AHNAK2: variants seen among roughly 807,000 people sequenced by gnomAD.
AHNAK2 encodes AHNAK nucleoprotein 2.
In AHNAK2, 18 loss-of-function variants were observed where a neutral mutation model predicts 30.7. The observed-to-expected ratio is 0.59, with a 90% CI of 0.41 to 0.87. The LOEUF (loss-of-function observed/expected upper bound fraction) is 0.87, where lower values mean the gene tolerates loss of function less well. Among genes scored for constraint, AHNAK2 ranks in the 40% least tolerant of loss-of-function variants. The pLI is 0.00. For synonymous variants in AHNAK2, 3,590 were observed against 3,073.8 expected (o/e 1.17, Z -5.56); for missense variants, 8,604 against 7,373.0 (o/e 1.17, Z -6.11).
At position 104,944,247 on chromosome 14, in the gene AHNAK2, T is replaced by G. The variant is rs749974199; in HGVS notation, c.11204A>C (p.Asp3735Ala). 3.7e-6 allele frequency: 6 copies of G among 1,612,644 alleles called. No homozygotes were observed. Among genetic ancestry groups the G allele is most frequent in the African/African-American group, 1.3e-5 (1 of 74,682 alleles). ...GATGTCCACCTGGGGGCCCTTGAGG[T>G]CCACTTTGGGCATCTTCAAACTGGG... ...EMPSLKMPKV[D>A]LKGPQVDIKG... Residue 3735 changes from aspartate (D) to alanine (A), a missense_variant, in exon 7 of 7, where the codon GAC becomes GCC. Coordinates refer to ENST00000333244, the MANE Select transcript of AHNAK2 (RefSeq NM_138420.4).
rs1332354542 is a variant in AHNAK2 at position 104,938,630 on chromosome 14, C to T, written c.16821G>A (p.Glu5607=). The change falls in exon 7 of 7, where the codon GAG becomes GAA. Residue 5607 remains glutamate, a synonymous_variant. Coordinates refer to ENST00000333244, the MANE Select transcript of AHNAK2 (RefSeq NM_138420.4). ...GGGGAAACTCAAGAATTTCTGCTGG[C>T]TCCTCATCTGAACAGCTGTCTGCAA... The part of the protein sequence containing the change: ...HQLADSCSDE[E]PAEILEFPPD... 2 of 1,612,378 alleles carry T rather than the reference C, an allele frequency of 1.2e-6. No homozygotes were observed. Among genetic ancestry groups the T allele is most frequent in the South Asian group, 1.1e-5 (1 of 90,666 alleles).
In AHNAK2 at chr14:104,946,445, A is replaced by G. The variant is rs565464956; in HGVS notation, c.9006T>C (p.Asp3002=). The stretch of plus-strand genomic sequence containing the variant: ...CGGCCTCCACCTTCGGCGCAGACAC[A>G]TCCACCGAGACCTCAATGGACTTGC... The part of the protein sequence containing the change: ...APGKSIEVSV[D]VSAPKVEAEV... The change falls in exon 7 of 7, where the codon GAT becomes GAC. Residue 3002 remains aspartate, a synonymous_variant. Coordinates refer to ENST00000333244, the MANE Select transcript of AHNAK2 (RefSeq NM_138420.4). 694 of 1,611,516 alleles carry G rather than the reference A, an allele frequency of 4.3e-4. No homozygotes were observed. Among genetic ancestry groups the G allele is most frequent in the Non-Finnish European group, 5.3e-4 (625 of 1,179,306 alleles).
rs531914312 is a variant in AHNAK2, at chr14:104,950,062, C to T, written c.5389G>A (p.Gly1797Arg). Residue 1797 changes from glycine (G) to arginine (R), a missense_variant, in exon 7 of 7, where the codon GGA becomes AGA. Physicochemically the swap from Gly to Arg is moderately radical, Grantham distance 125 (BLOSUM62 -2). Coordinates refer to ENST00000333244, the MANE Select transcript of AHNAK2 (RefSeq NM_138420.4). ...AGCCGCACACTGTCCAGCTTGGCTC[C>T]TGGAGCCTCGACGTCCACCTCCACG... ...PSVEVDVEAP[G>R]AKLDSVRLEG... is the part of the protein sequence containing the mutation. 47 of 1,585,836 alleles carry T rather than the reference C, an allele frequency of 3.0e-5. 9 individuals carry two copies. The East Asian group carries it at 4.3e-4, about 14-fold the overall frequency.
At chr14:104,959,130 C>A (rs1404415487) in intron 1 of AHNAK2, among the ~76,000 whole-genome samples, 1 of 152,154 alleles carries the variant, frequency 6.6e-6, no homozygotes, top group Non-Finnish European at 1.5e-5. Flanking sequence ...AGCCCAGAAA[C>A]TCAAGGCCAG....
Position 104,941,899 on chromosome 14 carries a change from C to A in AHNAK2, c.13552G>T (p.Ala4518Ser), listed in dbSNP as rs201319969. The change falls in exon 7 of 7, where the codon GCC becomes TCC. Residue 4518 changes from alanine to serine, a missense_variant. Coordinates refer to ENST00000333244, the MANE Select transcript of AHNAK2 (RefSeq NM_138420.4). ...TGGCCAGCCTGGACCTCCAGGTCGG[C>A]GGAAGGGGCCTGAATGCGGAGGTCA... ...TTDLRIQAPS[A>S]DLEVQAGQVD... is the part of the protein sequence containing the mutation. 5 of 1,613,448 alleles carry A rather than the reference C, an allele frequency of 3.1e-6. No individual in the cohort carries two copies. The highest frequency in any genetic ancestry group is 3.3e-5 in the Admixed American group (2 of 59,972).
At chr14:104,958,871 G>A (rs1247198628) in intron 1 of AHNAK2, among the ~76,000 whole-genome samples, 2 of 152,186 alleles carry the variant, frequency 1.3e-5, no homozygotes, top group Non-Finnish European at 2.9e-5. Flanking sequence ...CAGTCAAAAT[G>A]CTTAAGAGAA....
At position 104,949,531 on chromosome 14, in the gene AHNAK2, G is replaced by A. The variant is rs771896783; in HGVS notation, c.5920C>T (p.Leu1974=). The A allele has an allele frequency of 2.1e-5, 33 of 1,586,936 alleles. No individual in the cohort carries two copies. In the South Asian group the frequency reaches 3.2e-4, roughly 16 times the overall value. ...KLDGARLEGD[L]SLADKDMTAK... ...GTCATGTCCTTGTCGGCCAGGGACA[G>A]GTCTCCCTCCAGCCGCGCACCATCC... The change falls in exon 7 of 7, where the codon CTG becomes TTG. Residue 1974 remains leucine (L), a synonymous_variant. Transcript: ENST00000333244.
chr14:104,950,801 C>G lies in AHNAK2; in HGVS notation c.4650G>C (p.Leu1550=), dbSNP rs746593138. The G allele has an allele frequency of 1.1e-5, 18 of 1,586,812 alleles. 1 individual carries two copies. The Admixed American group carries it at 3.0e-4, about 26-fold the overall frequency. The stretch of plus-strand genomic sequence containing the variant: ...CGTCCACTTGGCCAGCCTGGACCTC[C>G]AGGTCAGCAGAAGGGGGCTGTATGC... ...DLSIQPPSAD[L]EVQAGQVDVK... is the part of the protein sequence containing the mutation. The change falls in exon 7 of 7, where the codon CTG becomes CTC. Residue 1550 remains leucine (L), a synonymous_variant. Transcript: ENST00000333244.
Position 104,937,917 on chromosome 14 carries a change from T to G in AHNAK2, c.*146A>C. The G allele has an allele frequency of 1.2e-6, 1 of 807,054 alleles. No individual in the cohort carries two copies. Among genetic ancestry groups the G allele is most frequent in the Non-Finnish European group, 1.8e-6 (1 of 541,056 alleles). 50.0% of individuals were successfully genotyped at this position (807,054 alleles called of 1,614,324 possible). ...GAGGGCTGTGTGATGGTGACAAAGGTGTTCTGGTCATTTCTGCTCTGTTCT... is the reference window on the plus strand; with the variant it reads ...GAGGGCTGTGTGATGGTGACAAAGGGGTTCTGGTCATTTCTGCTCTGTTCT... On this transcript the variant is annotated 3_prime_UTR_variant, in exon 7 of 7. Transcript: ENST00000333244.
Position 104,950,148 on chromosome 14 carries a change from A to G in AHNAK2, c.5303T>C (p.Leu1768Pro). The change falls in exon 7 of 7, where the codon CTG becomes CCG. Residue 1768 changes from leucine to proline, a missense_variant. Coordinates refer to ENST00000333244, the MANE Select transcript of AHNAK2 (RefSeq NM_138420.4). ...GPQMDVKGPK[L>P]DLKGPKAEVM... ...CTCCGCCTTGGGGCCTTTCAGGTCC[A>G]GCTTGGGGCCCTTGACGTCCATCTG... The G allele has an allele frequency of 6.3e-7, 1 of 1,586,208 alleles. No homozygotes were observed. The highest frequency in any genetic ancestry group is 8.6e-7 in the Non-Finnish European group (1 of 1,162,898).
Position 104,951,611 on chromosome 14 carries a change from T to G in AHNAK2, c.3840A>C (p.Ala1280=). ...GPKLDLKGHK[A]EVTAHEVAVS... is the part of the protein sequence containing the mutation. ...CAGCCACTTCGTGGGCCGTCACCTC[T>G]GCCTTATGACCTTTCAGGTCCAGCT... Residue 1280 remains alanine, a synonymous_variant, in exon 7 of 7, where the codon GCA becomes GCC. Coordinates refer to ENST00000333244, the MANE Select transcript of AHNAK2 (RefSeq NM_138420.4). The G allele has an allele frequency of 1.6e-6, 2 of 1,244,498 alleles. 1 individual carries two copies. Among genetic ancestry groups the G allele is most frequent in the South Asian group, 2.9e-5 (2 of 69,942 alleles). 77.1% of individuals were successfully genotyped at this position (1,244,498 alleles called of 1,614,324 possible).
Position 104,954,625 on chromosome 14 carries a change from G to C in AHNAK2, c.826C>G (p.Gln276Glu), listed in dbSNP as rs1179782914. 9 of 1,612,488 alleles carry C rather than the reference G, an allele frequency of 5.6e-6. No individual in the cohort carries two copies. The highest frequency in any genetic ancestry group is 8.5e-7 in the Non-Finnish European group (1 of 1,179,614). Residue 276 changes from glutamine to glutamate, a missense_variant, in exon 7 of 7, where the codon CAG becomes GAG. By Grantham distance (29) the Gln-to-Glu change is conservative. Transcript: ENST00000333244. The surrounding 1 kb of genome is among the most constrained non-coding windows in gnomAD (Gnocchi z 4.3). Reference sequence around the variant, plus strand: ...GCCTCTGACGAGCTGTGTGACCTCTGGGGTCCCGGCCCCCGCTTGCTCTTT... The same window carrying C: ...GCCTCTGACGAGCTGTGTGACCTCTCGGGTCCCGGCCCCCGCTTGCTCTTT... ...SIKSKRGPGP[Q>E]RSHSSSEAYE...
At chr14:104,957,749 T>C (rs1899023099) in intron 1 of AHNAK2, 77 bp from the exon 2 acceptor site, 1 of 1,421,020 alleles carries the variant, frequency 7.0e-7, no homozygotes, top group Admixed American at 1.9e-5. Flanking sequence ...GAGCCAGGAC[T>C]GTATGTACAC....
rs781429748 is a variant in AHNAK2 at position 104,954,794 on chromosome 14, C to T, written c.657G>A (p.Thr219=). 29 of 1,561,614 alleles carry T rather than the reference C, an allele frequency of 1.9e-5. No individual in the cohort carries two copies. The highest frequency in any genetic ancestry group is 6.0e-5 in the South Asian group (5 of 83,358). The part of the protein sequence containing the change: ...HGPQGKEKED[T]DVADGCRETP... ...TCTCTCTGCACCCATCAGCAACATC[C>T]GTGTCCTGAAACATAGGGAGAGGGA... is the stretch of plus-strand genomic sequence containing the variant. The change falls in exon 7 of 7, where the codon ACG becomes ACA. Residue 219 remains threonine (T), a synonymous_variant. Coordinates refer to ENST00000333244, the MANE Select transcript of AHNAK2 (RefSeq NM_138420.4). The surrounding 1 kb of genome is among the most constrained non-coding windows in gnomAD (Gnocchi z 4.3).
At position 104,948,809 on chromosome 14, in the gene AHNAK2, A is replaced by G; in HGVS notation, c.6642T>C (p.Ala2214=). 1.2e-6 allele frequency: 2 copies of G among 1,612,494 alleles called. No individual in the cohort carries two copies. Among genetic ancestry groups the G allele is most frequent in the Non-Finnish European group, 1.7e-6 (2 of 1,179,622 alleles). The change falls in exon 7 of 7, where the codon GCT becomes GCC. Residue 2214 remains alanine (A), a synonymous_variant. Transcript: ENST00000333244. The part of the protein sequence containing the change: ...QPLSADVKVQ[A]GQVDVKLLEG... ...CCAGGAGTTTCACGTCCACCTGGCCAGCCTGGACCTTCACGTCGGCGGAAA... is the reference window on the plus strand; with the variant it reads ...CCAGGAGTTTCACGTCCACCTGGCCGGCCTGGACCTTCACGTCGGCGGAAA...
chr14:104,940,249 C>T lies in AHNAK2; in HGVS notation c.15202G>A (p.Gly5068Ser), dbSNP rs371225690. The T allele has an allele frequency of 2.8e-5, 45 of 1,613,632 alleles. 1 individual carries two copies. In the African/African-American group the frequency reaches 4.0e-4, roughly 14 times the overall value. The change falls in exon 7 of 7, where the codon GGT becomes AGT. Residue 5068 changes from glycine to serine, a missense_variant. Physicochemically the swap from Gly to Ser is moderately conservative, Grantham distance 56 (BLOSUM62 0). Coordinates refer to ENST00000333244, the MANE Select transcript of AHNAK2 (RefSeq NM_138420.4). This position sits in a 1 kb window ranked among gnomAD's most constrained non-coding sequence, Gnocchi z 4.4. ...GTTGCACCAAGTCCTCCCCTACCAC[C>T]GTCACTGCTGGCCTTTTCTGTGTCT... ...FQDTEKASSD[G>S]GRGGLGATAS...
In AHNAK2 at chr14:104,951,570, A is replaced by G; in HGVS notation, c.3881T>C (p.Val1294Ala). The change falls in exon 7 of 7, where the codon GTG (valine) becomes GCG (alanine). Residue 1294 changes from valine (V) to alanine (A), a missense_variant. Physicochemically the swap from Val to Ala is moderately conservative, Grantham distance 64. Transcript: ENST00000333244. ...AHEVAVSLPS[V>A]EVDMQAPGAK... is the part of the protein sequence containing the mutation. Reference sequence around the variant, plus strand: ...TCCCGGGGCCTGCATGTCCACCTCCACACTGGGCAGAGACACAGCCACTTC... The same window carrying G: ...TCCCGGGGCCTGCATGTCCACCTCCGCACTGGGCAGAGACACAGCCACTTC... The G allele has an allele frequency of 1.6e-6, 2 of 1,247,672 alleles. No homozygotes were observed. The highest frequency in any genetic ancestry group is 2.3e-6 in the Non-Finnish European group (2 of 881,080). The allele number at this position is 1,247,672 out of a possible 1,614,324, so 77.3% of individuals were successfully genotyped here. A position where few individuals can be genotyped will look rare whatever the true frequency, so the allele number is the denominator to read the frequency against.
rs145247381 is a variant in AHNAK2 at position 104,946,919 on chromosome 14, T to C, written c.8532A>G (p.Glu2844=). The C allele has an allele frequency of 6.2e-3, 10,003 of 1,611,330 alleles. 57 individuals carry two copies. Among genetic ancestry groups the C allele is most frequent in the South Asian group, 0.012 (1,082 of 90,994 alleles). ...GCATGGAGGGGAAGCTCCCGTCAGC[T>C]TCCACCTTCAGCTCAGACACATCCA... The part of the protein sequence containing the change: ...ASVDVSELKV[E]ADGSFPSMQG... The change falls in exon 7 of 7, where the codon GAA becomes GAG. Residue 2844 remains glutamate, a synonymous_variant. Coordinates refer to ENST00000333244, the MANE Select transcript of AHNAK2 (RefSeq NM_138420.4).
rs1437965073 is a variant in AHNAK2, at chr14:104,942,567, T to A, written c.12884A>T (p.Asp4295Val). The A allele has an allele frequency of 1.2e-6, 2 of 1,612,928 alleles. No individual in the cohort carries two copies. The highest frequency in any genetic ancestry group is 3.3e-5 in the Admixed American group (2 of 59,940). The change falls in exon 7 of 7, where the codon GAC (aspartate) becomes GTC (valine). Residue 4295 changes from aspartate (D) to valine (V), a missense_variant. Transcript: ENST00000333244. ...SLADKDMTAK[D>V]SKFKMPKFKM... Reference sequence around the variant, plus strand: ...GAACTTGGGCATTTTGAACTTGCTGTCTTTGGCAGTCATGTCCTTGTCGGC... The same window carrying A: ...GAACTTGGGCATTTTGAACTTGCTGACTTTGGCAGTCATGTCCTTGTCGGC...
Sources: allele counts gnomAD v4.1 joint callset (sites outside exome capture counted in the v4.1 genomes callset), GRCh38; gene constraint gnomAD v4.1.1; non-coding constraint Gnocchi (gnomAD v3.1); transcripts MANE v1.5; gene names NCBI Gene and HGNC (gene_info 2026-07-23, HGNC 2026-07-21).